WNK4: variants seen among roughly 807,000 people sequenced by gnomAD.
WNK4 encodes the protein serine/threonine-protein kinase WNK4.
WNK4 carries 94 observed loss-of-function variants against 116.2 expected under a neutral mutation model. The ratio of observed to expected loss-of-function variants is 0.81; its 90% confidence interval spans 0.68 to 0.96. The LOEUF (loss-of-function observed/expected upper bound fraction) is 0.96. Among genes scored for constraint, WNK4 ranks in the 40% least tolerant of loss-of-function variants. WNK4 has a pLI of 0.00. For synonymous variants in WNK4, 655 were observed against 672.7 expected (o/e 0.97, Z 0.41); for missense variants, 1,542 against 1,650.6 (o/e 0.93, Z 1.14).
intron 11 of WNK4, among the ~76,000 whole-genome samples, chr17:42,789,913 G>A (rs2054592295): frequency 6.6e-6 from 1 of 151,986 alleles, no homozygotes; most frequent in African/African-American, 2.4e-5. Flanking sequence ...GGCTGAGGTG[G>A]GAGGATCACT....
Position 42,784,401 on chromosome 17 carries a change from T to C in WNK4, c.1013-21T>C. ...GAGGCCAGAGTGCCCAGCAATCTGA[T>C]CCCTGCTGTGGACCCTACAGGGACC... is the stretch of plus-strand genomic sequence containing the variant. On this transcript the variant is annotated intron_variant, in intron 3 of 18. Transcript: ENST00000246914. This position sits in a 1 kb window ranked among gnomAD's most constrained non-coding sequence, Gnocchi z 4.4. 6.2e-7 allele frequency: 1 copy of C among 1,611,744 alleles called. No individual in the cohort carries two copies. Among genetic ancestry groups the C allele is most frequent in the East Asian group, 2.2e-5 (1 of 44,722 alleles).
At chr17:42,789,682 A>G (rs1233811816) in intron 11 of WNK4, among the ~76,000 whole-genome samples, 11 of 148,368 alleles carry the variant, frequency 7.4e-5, no homozygotes, top group African/African-American at 2.7e-4. Flanking sequence ...ATAAATAAAT[A>G]AATAAATAAA....
At chr17:42,781,454 CT>C in intron 1 of WNK4, 138 bp downstream of exon 1, 1 of 1,210,334 alleles carries the variant, frequency 8.3e-7, no homozygotes. Context: ...CCTCTGCTGT[CT>C]TTGCCCTGAA....
intron 1 of WNK4, among the ~76,000 whole-genome samples, chr17:42,781,731 T>C (rs1221522310): frequency 6.6e-6 from 1 of 152,116 alleles, no homozygotes; most frequent in East Asian, 1.9e-4. Flanking sequence ...GTCCCCCACC[T>C]ATTTGCAGAC....
At chr17:42,783,080 G>A in intron 2 of WNK4, 150 bp downstream of exon 2, 1 of 1,076,934 alleles carries the variant, frequency 9.3e-7, no homozygotes, top group Non-Finnish European at 1.3e-6. Flanking sequence ...CCCTGCCTCG[G>A]TGAGTGGCAA....
At position 42,784,132 on chromosome 17, in the gene WNK4, C is replaced by G; in HGVS notation, c.987C>G (p.Arg329=). ...ACCTGGGCCTGGCCACGCTCAAGCG[C>G]GCCTCCTTTGCCAAGAGTGTCATCG... is the stretch of plus-strand genomic sequence containing the variant. ...IGDLGLATLK[R]ASFAKSVIGT... Residue 329 remains arginine (R), a synonymous_variant, in exon 3 of 19, where the codon CGC becomes CGG. Transcript: ENST00000246914. This position sits in a 1 kb window ranked among gnomAD's most constrained non-coding sequence, Gnocchi z 4.4. 6.2e-7 allele frequency: 1 copy of G among 1,607,840 alleles called. No individual in the cohort carries two copies. Among genetic ancestry groups the G allele is most frequent in the South Asian group, 1.1e-5 (1 of 91,084 alleles).
Position 42,794,924 on chromosome 17 carries a change from C to A in WNK4, c.2503C>A (p.Pro835Thr), listed in dbSNP as rs1202140073. Reference sequence around the variant, plus strand: ...TCCCATCTTCCCCATCACTTCTCCCCCATGTCATCCCAGCCCCTCCCCATT... The same window carrying A: ...TCCCATCTTCCCCATCACTTCTCCCACATGTCATCCCAGCCCCTCCCCATT... ...PGPIFPITSP[P>T]CHPSPSPFSP... The change falls in exon 14 of 19, where the codon CCA becomes ACA. Residue 835 changes from proline to threonine, a missense_variant. Physicochemically the swap from Pro to Thr is conservative, Grantham distance 38 (BLOSUM62 -1). Coordinates refer to ENST00000246914, the MANE Select transcript of WNK4 (RefSeq NM_032387.5). The A allele has an allele frequency of 6.2e-7, 1 of 1,612,696 alleles. No homozygotes were observed. Among genetic ancestry groups the A allele is most frequent in the East Asian group, 2.2e-5 (1 of 44,804 alleles).
At position 42,795,643 on chromosome 17, in the gene WNK4, T is replaced by C. The variant is rs1219099206; in HGVS notation, c.3041T>C (p.Val1014Ala). The change falls in exon 16 of 19, where the codon GTT (valine) becomes GCT (alanine). Residue 1014 changes from valine (V) to alanine (A), a missense_variant. Val to Ala is a moderately conservative substitution (Grantham distance 64). Transcript: ENST00000246914. Reference protein sequence around the residue: ...PISEEGKPQLVGRFQVTSSKE... With the variant: ...PISEEGKPQLAGRFQVTSSKE... ...CCTACAGAGGGAAAGCCGCAGCTTG[T>C]TGGGCGTTTCCAAGTGACTTCATCC... The C allele has an allele frequency of 1.2e-5, 19 of 1,613,512 alleles. No individual in the cohort carries two copies. The highest frequency in any genetic ancestry group is 7.6e-6 in the Non-Finnish European group (9 of 1,180,054).
At position 42,795,180 on chromosome 17, in the gene WNK4, C is replaced by T. The variant is rs772455400; in HGVS notation, c.2759C>T (p.Ala920Val). 6 of 1,614,054 alleles carry T rather than the reference C, an allele frequency of 3.7e-6. No individual in the cohort carries two copies. The Admixed American group carries it at 8.3e-5, about 22-fold the overall frequency. Residue 920 changes from alanine to valine, a missense_variant, in exon 14 of 19, where the codon GCA becomes GTA. This residue lies in a region of WNK4 where 292 missense variants were observed against 290.1 expected (regional missense o/e 1.01). Coordinates refer to ENST00000246914, the MANE Select transcript of WNK4 (RefSeq NM_032387.5). ...ACTTCTTCCTTCCCCTCCACCACAGCAGCCCCTCTCCTTTCTCTGGCTAGT... is the reference window on the plus strand; with the variant it reads ...ACTTCTTCCTTCCCCTCCACCACAGTAGCCCCTCTCCTTTCTCTGGCTAGT... ...PSTSSFPSTT[A>V]APLLSLASAF...
intron 6 of WNK4, among the ~76,000 whole-genome samples, chr17:42,786,182 G>A (rs114782640): frequency 0.014 from 2,072 of 152,284 alleles, 47 homozygotes; most frequent in African/African-American, 0.047. Context: ...CTTGTCCAGG[G>A]CCCCAAGTAA....
At position 42,788,188 on chromosome 17, in the gene WNK4, G is replaced by A. The variant is rs2054572297; in HGVS notation, c.1922G>A (p.Ser641Asn). ...GGAAGTGACTTTTCCCCCGGGGACA[G>A]GTATGTTCTGGTACAAGTTGGGGTG... ...GPGSDFSPGD[S>N]YASDAASGLS... Residue 641 changes from serine (S) to asparagine (N), a missense_variant and splice_region_variant, in exon 9 of 19, where the codon AGC becomes AAC. Ser to Asn is a conservative substitution (Grantham distance 46). Transcript: ENST00000246914. 1 of 1,614,090 alleles carries A rather than the reference G, an allele frequency of 6.2e-7. No individual in the cohort carries two copies. The highest frequency in any genetic ancestry group is 1.3e-5 in the African/African-American group (1 of 74,924).
chr17:42,785,387 G>T lies in WNK4; in HGVS notation c.1381G>T (p.Asp461Tyr). The change falls in exon 6 of 19, where the codon GAC becomes TAC. Residue 461 changes from aspartate to tyrosine, a missense_variant. Physicochemically the swap from Asp to Tyr is radical, Grantham distance 160. Coordinates refer to ENST00000246914, the MANE Select transcript of WNK4 (RefSeq NM_032387.5). ...CCTCAAGCTCTGGCTGCGCATGGAG[G>T]ACGCGCGGCGCGGGGGGCGCCCACG... is the stretch of plus-strand genomic sequence containing the variant. Reference protein sequence around the residue: ...PGLKLWLRMEDARRGGRPRDN... With the variant: ...PGLKLWLRMEYARRGGRPRDN... 1 of 1,593,288 alleles carries T rather than the reference G, an allele frequency of 6.3e-7. No individual in the cohort carries two copies. Among genetic ancestry groups the T allele is most frequent in the Non-Finnish European group, 8.5e-7 (1 of 1,169,926 alleles).
At chr17:42,783,130 C>G (rs1264191304) in intron 2 of WNK4, among the ~76,000 whole-genome samples, 200 bp downstream of exon 2, 1 of 152,164 alleles carries the variant, frequency 6.6e-6, no homozygotes, top group African/African-American at 2.4e-5. Flanking sequence ...GGGTGTCTCC[C>G]CAGACTCCTC....
chr17:42,789,056 C>G (rs986628089), intron 11 of WNK4, among the ~76,000 whole-genome samples: 5 of 152,042 alleles, frequency 3.3e-5, no homozygotes, highest in South Asian at 2.1e-4. Context: ...CGTATAAGTG[C>G]CTGGTAGATG....
At chr17:42,788,432 A>G (rs774726608) in intron 10 of WNK4, 25 bp downstream of exon 10, 6 of 1,606,548 alleles carry the variant, frequency 3.7e-6, no homozygotes, top group Non-Finnish European at 5.1e-6. Context: ...CAGGAGATAG[A>G]GAGTAACCTA....
At position 42,796,408 on chromosome 17, in the gene WNK4, C is replaced by G; in HGVS notation, c.3632-73C>G. The G allele has an allele frequency of 7.4e-6, 12 of 1,613,580 alleles. 1 individual carries two copies. In the South Asian group the frequency reaches 1.2e-4, roughly 16 times the overall value. On this transcript the variant is annotated intron_variant, in intron 17 of 18. Transcript: ENST00000246914. ...TTCTCCAGGCCCTGGGGGTCTGCCC[C>G]GGGGGAATAGACCCCCTCTCCCCAC... is the stretch of plus-strand genomic sequence containing the variant.
At position 42,796,201 on chromosome 17, in the gene WNK4, GC is replaced by G; in HGVS notation, c.3515del (p.Pro1172HisfsTer47). On this transcript the variant is annotated frameshift_variant, in exon 17 of 19. Coordinates refer to ENST00000246914, the MANE Select transcript of WNK4 (RefSeq NM_032387.5). LOFTEE classifies it high-confidence loss of function. ...ATTTGTACAGCCGGCTGGGGAAGCA[GC>G]CCCCACCGGGTATTGTGGCCCCAGC... ...EDLYSRLGKQ[P>X]PPGIVAPAAM... The G allele has an allele frequency of 1.9e-6, 3 of 1,613,972 alleles. No individual in the cohort carries two copies. The highest frequency in any genetic ancestry group is 2.5e-6 in the Non-Finnish European group (3 of 1,179,992).
In WNK4 at chr17:42,787,357, G is replaced by A. The variant is rs139245311; in HGVS notation, c.1556G>A (p.Arg519Gln). ...CGTGAACGGGTTGCTGCCATCCAGCGAAAGCGTGAGAAGCTGCGTAAAGCA... is the reference window on the plus strand; with the variant it reads ...CGTGAACGGGTTGCTGCCATCCAGCAAAAGCGTGAGAAGCTGCGTAAAGCA... ...AVRERVAAIQ[R>Q]KREKLRKARE... Residue 519 changes from arginine to glutamine, a missense_variant, in exon 7 of 19, where the codon CGA (arginine) becomes CAA (glutamine). Coordinates refer to ENST00000246914, the MANE Select transcript of WNK4 (RefSeq NM_032387.5). The A allele has an allele frequency of 2.3e-5, 37 of 1,613,986 alleles. No homozygotes were observed. Among genetic ancestry groups the A allele is most frequent in the Non-Finnish European group, 2.9e-5 (34 of 1,180,030 alleles).
At position 42,782,995 on chromosome 17, in the gene WNK4, C is replaced by T. The variant is rs546537964; in HGVS notation, c.791+65C>T. On this transcript the variant is annotated intron_variant, in intron 2 of 18. Transcript: ENST00000246914. This position sits in a 1 kb window ranked among gnomAD's most constrained non-coding sequence, Gnocchi z 4.2. Reference sequence around the variant, plus strand: ...GGATGTGTGCCCACTGCTTCCTGAACTCCCAGGCTCCTCAAACTCTCTAAT... The same window carrying T: ...GGATGTGTGCCCACTGCTTCCTGAATTCCCAGGCTCCTCAAACTCTCTAAT... The T allele has an allele frequency of 1.3e-5, 20 of 1,574,360 alleles. No homozygotes were observed. The South Asian group carries it at 2.3e-4, about 18-fold the overall frequency.
Sources: allele counts gnomAD v4.1 joint callset (sites outside exome capture counted in the v4.1 genomes callset), GRCh38; gene constraint gnomAD v4.1.1; regional missense constraint gnomAD v4.1.1; non-coding constraint Gnocchi (gnomAD v3.1); transcripts MANE v1.5; gene names NCBI Gene and HGNC (gene_info 2026-07-23, HGNC 2026-07-21).